The following FAM204A variants were observed in gnomAD, a reference collection of about 807,000 sequenced individuals.
The protein encoded by FAM204A is protein FAM204A.
In FAM204A, 16 loss-of-function variants were observed where a neutral mutation model predicts 35.4. The ratio of observed to expected loss-of-function variants is 0.45; its 90% CI spans 0.31 to 0.69. FAM204A has a LOEUF of 0.69. FAM204A is among the 30% of genes least tolerant of loss of function. The pLI is 0.07. For missense variants in FAM204A, 240 were observed against 265.7 expected (o/e 0.90, Z 0.67); for synonymous variants, 76 against 86.9 (o/e 0.88, Z 0.70).
intron 7 of FAM204A, among the ~76,000 whole-genome samples, chr10:118,324,680 G>A (rs1846170447): frequency 6.6e-6 from 1 of 152,138 alleles, no homozygotes; most frequent in Non-Finnish European, 1.5e-5. Context: ...CCAAGGCTGG[G>A]TGGAGGGGAG....
intron 6 of FAM204A, 54 bp from the exon 7 acceptor site, chr10:118,326,297 T>C (rs1846196838): frequency 2.8e-6 from 4 of 1,439,500 alleles, no homozygotes; most frequent in African/African-American, 1.4e-5. Context: ...AAACATTTGC[T>C]AGCCAAGACC....
intron 7 of FAM204A, among the ~76,000 whole-genome samples, chr10:118,315,168 T>C (rs1459659059): frequency 2.6e-5 from 4 of 152,118 alleles, no homozygotes; most frequent in African/African-American, 9.7e-5. Flanking sequence ...TTCCTTTCAA[T>C]TTTACAGGTT....
chr10:118,327,693 T>A (rs1846220863), intron 6 of FAM204A, among the ~76,000 whole-genome samples: 1 of 152,210 alleles, frequency 6.6e-6, no homozygotes, highest in Non-Finnish European at 1.5e-5. Context: ...AGTCATGGCC[T>A]GTGTACCAGG....
chr10:118,329,048 A>G lies in FAM204A; in HGVS notation c.454-2805T>C, dbSNP rs557148094. On this transcript the variant is annotated intron_variant, in intron 6 of 8. Coordinates refer to ENST00000369183, the MANE Select transcript of FAM204A (RefSeq NM_022063.3). ...CTTCACACTGAAGGCCTACAAAGGC[A>G]AGGTCTTCAATTTCATGATGTCTGT... 3.3e-5 allele frequency among the ~76,000 whole-genome samples: 5 copies of G among 152,304 alleles called. No homozygotes were observed. In the East Asian group the frequency reaches 9.6e-4, roughly 29 times the overall value.
intron 6 of FAM204A, among the ~76,000 whole-genome samples, chr10:118,327,360 T>C (rs1290060053): frequency 2.0e-5 from 3 of 152,202 alleles, no homozygotes; most frequent in Non-Finnish European, 4.4e-5. Context: ...CCAGTGACGC[T>C]GTCACTGATG....
rs1382390626 is a variant in FAM204A, at chr10:118,305,914, T to C, written c.*4943A>G. Reference sequence around the variant, plus strand: ...TTACAAATGAAAACACTTTTTATTGTGGGCAGTCATAATTGTATGCTATCC... The same window carrying C: ...TTACAAATGAAAACACTTTTTATTGCGGGCAGTCATAATTGTATGCTATCC... On this transcript the variant is annotated 3_prime_UTR_variant, in exon 9 of 9. Transcript: ENST00000369183. 1 of 152,244 alleles carries C rather than the reference T, an allele frequency of 6.6e-6. No homozygotes were observed. The highest frequency in any genetic ancestry group is 1.5e-5 in the Non-Finnish European group (1 of 68,042). The allele number at this position is 152,244 out of a possible 1,614,324, so 9.4% of individuals were successfully genotyped here.
chr10:118,322,478 C>T (rs1846133467), intron 7 of FAM204A: 1 of 436,748 alleles, frequency 2.3e-6, no homozygotes, highest in African/African-American at 2.0e-5. Context: ...TTATAAGGGA[C>T]ATGCTACAAA....
chr10:118,311,522 T>A, intron 7 of FAM204A: 1 of 454,240 alleles, frequency 2.2e-6, no homozygotes. Flanking sequence ...ACCCTAGTTA[T>A]ACCAGTCTCC....
chr10:118,305,092 C>T lies in FAM204A; in HGVS notation c.*5765G>A, dbSNP rs12355087. The T allele has an allele frequency of 0.064, 9,741 of 152,258 alleles. 368 individuals are homozygous for T. The highest frequency in any genetic ancestry group is 0.13 in the South Asian group (604 of 4,812). 9.4% of individuals were successfully genotyped at this position (152,258 alleles called of 1,614,324 possible). A position where few individuals can be genotyped will look rare whatever the true frequency, so the allele number is the denominator to read the frequency against. On this transcript the variant is annotated 3_prime_UTR_variant, in exon 9 of 9. Transcript: ENST00000369183. Reference sequence around the variant, plus strand: ...CTTTTCCCTTCCAGCTGACTGGCATCGAGGGGACATCCAGGATTACTAGGG... The same window carrying T: ...CTTTTCCCTTCCAGCTGACTGGCATTGAGGGGACATCCAGGATTACTAGGG...
In FAM204A at chr10:118,335,095, G is replaced by A; in HGVS notation, c.453+19C>T. On this transcript the variant is annotated intron_variant, in intron 6 of 8. Transcript: ENST00000369183. ...CATATCCTACTAGCTGGTATAAGAT[G>A]CAATAACAAAGATATTACCTTCTCA... The A allele has an allele frequency of 6.5e-7, 1 of 1,528,198 alleles. No homozygotes were observed. The highest frequency in any genetic ancestry group is 9.1e-7 in the Non-Finnish European group (1 of 1,104,008). The allele number at this position is 1,528,198 out of a possible 1,614,324, so 94.7% of individuals were successfully genotyped here.
rs1845771709 is a variant in FAM204A at position 118,298,303 on chromosome 10, G to A, written c.*12554C>T. 1 of 152,202 alleles carries A rather than the reference G, an allele frequency of 6.6e-6. No homozygotes were observed. The highest frequency in any genetic ancestry group is 2.4e-5 in the African/African-American group (1 of 41,446). 9.4% of individuals were successfully genotyped at this position (152,202 alleles called of 1,614,324 possible). ...GTGCATGGTACATGACAGGCTAGCA[G>A]TAACTCCCTTCATCCTGATTTTCCA... On this transcript the variant is annotated 3_prime_UTR_variant, in exon 9 of 9. Transcript: ENST00000369183.
Position 118,336,422 on chromosome 10 carries a change from T to C in FAM204A, c.-7A>G. The C allele has an allele frequency of 6.3e-7, 1 of 1,599,866 alleles. No homozygotes were observed. ...GTAGCAGCCCACTCCACATCTTTTC[T>C]TCTATGAGGAAAAAGATTAATTTAC... On this transcript the variant is annotated splice_region_variant and 5_prime_UTR_variant, in exon 3 of 9. Coordinates refer to ENST00000369183, the MANE Select transcript of FAM204A (RefSeq NM_022063.3).
At chr10:118,332,298 G>A (rs1480151595) in intron 6 of FAM204A, among the ~76,000 whole-genome samples, 1 of 151,692 alleles carries the variant, frequency 6.6e-6, no homozygotes, top group Non-Finnish European at 1.5e-5. Flanking sequence ...TGTTTTCTTA[G>A]GCAAATTATG....
intron 7 of FAM204A, among the ~76,000 whole-genome samples, chr10:118,312,326 A>G (rs1329099951): frequency 6.6e-6 from 1 of 152,334 alleles, no homozygotes; most frequent in East Asian, 1.9e-4. Context: ...AAAAGAAGAA[A>G]TGACCTAGAA....
At chr10:118,318,322 AAAC>A (rs2133272072) in intron 7 of FAM204A, among the ~76,000 whole-genome samples, 1 of 152,166 alleles carries the variant, frequency 6.6e-6, no homozygotes, top group East Asian at 1.9e-4. Context: ...TTTAAACAAA[AAAC>A]AACCATTTGC....
chr10:118,299,414 G>A lies in FAM204A; in HGVS notation c.*11443C>T, dbSNP rs1251647768. ...AGGTTTTTTTTTTTTTTTTTTTTTT[G>A]AGACAGGGTCAGGCTGGACTGCAGT... On this transcript the variant is annotated 3_prime_UTR_variant, in exon 9 of 9. Transcript: ENST00000369183. The A allele has an allele frequency of 4.9e-5, 1 of 20,356 alleles. No individual in the cohort carries two copies. Among genetic ancestry groups the A allele is most frequent in the Non-Finnish European group, 9.2e-5 (1 of 10,920 alleles). The allele number at this position is 20,356 out of a possible 1,614,324, so 1.3% of individuals were successfully genotyped here.
At chr10:118,321,525 GA>G (rs1021553969) in intron 7 of FAM204A, among the ~76,000 whole-genome samples, 3 of 151,386 alleles carry the variant, frequency 2.0e-5, no homozygotes, top group African/African-American at 7.3e-5. Context: ...TATTTTACCA[GA>G]AAAAAACATT....
At position 118,303,229 on chromosome 10, in the gene FAM204A, A is replaced by G. The variant is rs1413513641; in HGVS notation, c.*7628T>C. On this transcript the variant is annotated 3_prime_UTR_variant, in exon 9 of 9. Transcript: ENST00000369183. ...GAGCACTGTATGGGAAGAGTAATGAAAGAAGAATTTCAGATTTTCAATCTG... is the reference window on the plus strand; with the variant it reads ...GAGCACTGTATGGGAAGAGTAATGAGAGAAGAATTTCAGATTTTCAATCTG... 6.6e-6 allele frequency: 1 copy of G among 152,186 alleles called. No homozygotes were observed. Among genetic ancestry groups the G allele is most frequent in the Non-Finnish European group, 1.5e-5 (1 of 68,014 alleles). 9.4% of individuals were successfully genotyped at this position (152,186 alleles called of 1,614,324 possible).
intron 7 of FAM204A, among the ~76,000 whole-genome samples, chr10:118,315,545 T>C (rs1003352508): frequency 6.6e-6 from 1 of 152,200 alleles, no homozygotes; most frequent in African/African-American, 2.4e-5. Context: ...GCCATTCTCT[T>C]TTGTTCTTTA....
Sources: gnomAD v4.1 joint callset for allele counts (sites outside exome capture counted in the v4.1 genomes callset) on GRCh38, gnomAD v4.1.1 for gene constraint, MANE v1.5 for transcripts, NCBI Gene and HGNC (gene_info 2026-07-23, HGNC 2026-07-21) for gene names.